Variants in PDE4C observed in about 807,000 individuals in gnomAD.
The protein encoded by PDE4C is 3',5'-cyclic-AMP phosphodiesterase 4C.
A neutral mutation model predicts 63.9 loss-of-function variants in PDE4C; 50 were observed. The observed-to-expected ratio is 0.78, with a 90% confidence interval of 0.62 to 0.99. The LOEUF (loss-of-function observed/expected upper bound fraction) is 0.99, where lower values mean the gene tolerates loss of function less well. PDE4C is among the 50% of genes least tolerant of loss of function. PDE4C has a pLI of 0.00. For missense variants in PDE4C, 777 were observed against 899.1 expected, an observed-to-expected ratio of 0.86 and a Z score of 1.74; for synonymous variants, 377 against 385.1, an observed-to-expected ratio of 0.98 and a Z score of 0.25.
intron 7 of PDE4C, chr19:18,219,678 G>T: frequency 2.9e-6 from 1 of 342,224 alleles, no homozygotes; most frequent in South Asian, 4.8e-5. Flanking sequence ...ACAAAAATTA[G>T]TCACGTATGG....
At chr19:18,237,891 A>AAAAAAC (rs1568267066), upstream of PDE4C, among the ~76,000 whole-genome samples, 1 of 141,610 alleles carries the variant, frequency 7.1e-6, no homozygotes. Context: ...AAAAAAAAAA[A>AAAAAAC]AAGTGCCTGG....
chr19:18,233,812 G>A (rs751807734), upstream of PDE4C: 13 of 296,978 alleles, frequency 4.4e-5, no homozygotes, highest in South Asian at 3.3e-4. Context: ...GAGCAGTGAC[G>A]GGCCCTCAAC....
Position 18,214,263 on chromosome 19 carries a change from A to T in PDE4C, c.1390-773T>A, listed in dbSNP as rs374966343. Among the ~76,000 whole-genome samples the T allele has an allele frequency of 6.4e-4, 97 of 152,034 alleles. 1 individual carries two copies. In the East Asian group the frequency reaches 9.7e-3, roughly 15 times the overall value. On this transcript the variant is annotated intron_variant, in intron 12 of 14. Coordinates refer to ENST00000262805, the Ensembl canonical transcript of PDE4C. ...AAGACTCCGTCTCAAAAAAAAAAAA[A>T]AAATAACCCATCCTCTAGGATGCCT... is the stretch of plus-strand genomic sequence containing the variant.
chr19:18,226,400 C>T, exon 1 of PDE4C: 2 of 1,443,828 alleles, frequency 1.4e-6, no homozygotes, highest in Non-Finnish European at 9.1e-7. Flanking sequence ...GGGGCGGGCG[C>T]GGGGGGGCCC....
chr19:18,254,224 T>C, the PDE4C span, among the ~76,000 whole-genome samples: 20 of 152,256 alleles, frequency 1.3e-4, no homozygotes, highest in African/African-American at 4.6e-4. Flanking sequence ...AGGACCCTTG[T>C]CCTCTGTTTC....
upstream of PDE4C, chr19:18,252,567 C>T (rs1327058500): frequency 5.0e-6 from 2 of 397,870 alleles, no homozygotes; most frequent in Non-Finnish European, 8.8e-6. Flanking sequence ...GAATTAGAGA[C>T]CAGCCTGGGC....
In PDE4C at chr19:18,219,216, T is replaced by C; in HGVS notation, c.870+18A>G. On this transcript the variant is annotated intron_variant, in intron 8 of 14. Transcript: ENST00000262805. Reference sequence around the variant, plus strand: ...CAGGGACCAAACCTTGATCTTGGCATTGTGGTTGGGGACCCACCTTGGCCA... The same window carrying C: ...CAGGGACCAAACCTTGATCTTGGCACTGTGGTTGGGGACCCACCTTGGCCA... 1 of 1,613,986 alleles carries C rather than the reference T, an allele frequency of 6.2e-7. No homozygotes were observed. The highest frequency in any genetic ancestry group is 8.5e-7 in the Non-Finnish European group (1 of 1,180,002).
chr19:18,247,749 G>A (rs537907984), intron 1 of PDE4C, among the ~76,000 whole-genome samples: 1 of 152,074 alleles, frequency 6.6e-6, no homozygotes, highest in African/African-American at 2.4e-5. Context: ...AAATGGTTCT[G>A]AGACCTCCAG....
intron 1 of PDE4C, among the ~76,000 whole-genome samples, chr19:18,222,657 T>C (rs1299354960): frequency 2.4e-5 from 2 of 82,418 alleles, no homozygotes; most frequent in East Asian, 4.0e-4. Flanking sequence ...TTCTCGTTCT[T>C]TCTCTCTCTC....
rs781111988 is a variant in PDE4C at position 18,211,294 on chromosome 19, G to T, written c.1696-18C>A. 9 of 1,543,666 alleles carry T rather than the reference G, an allele frequency of 5.8e-6. No individual in the cohort carries two copies. Among genetic ancestry groups the T allele is most frequent in the South Asian group, 5.0e-5 (4 of 79,906 alleles). ...AAACCCACCTGTGGCGGGGGGTGGG[G>T]CATGTCGGCATTTGGTGAGTTACAG... On this transcript the variant is annotated intron_variant, in intron 14 of 14. Coordinates refer to ENST00000262805, the Ensembl canonical transcript of PDE4C.
At chr19:18,215,096 C>G (rs945898974) in intron 12 of PDE4C, among the ~76,000 whole-genome samples, 5 of 152,254 alleles carry the variant, frequency 3.3e-5, no homozygotes, top group Non-Finnish European at 7.4e-5. Flanking sequence ...AATGCTGTCT[C>G]CCCACCCTGT....
At chr19:18,244,766 C>T (rs1366680990) in intron 1 of PDE4C, among the ~76,000 whole-genome samples, 1 of 151,966 alleles carries the variant, frequency 6.6e-6, no homozygotes, top group Non-Finnish European at 1.5e-5. Flanking sequence ...CCTGCCTTGG[C>T]CTCCCACACT....
At chr19:18,217,103 C>G (rs1968232578) in intron 11 of PDE4C, 1 of 489,840 alleles carries the variant, frequency 2.0e-6, no homozygotes, top group Non-Finnish European at 3.6e-6. Context: ...CTACCCAAGA[C>G]TGGGAAGGCT....
chr19:18,220,097 G>C lies in PDE4C; in HGVS notation c.706+129C>G, dbSNP rs556929383. On this transcript the variant is annotated intron_variant, in intron 7 of 14. Transcript: ENST00000262805. This position sits in a 1 kb window ranked among gnomAD's most constrained non-coding sequence, Gnocchi z 5.1. ...TTGTTCCTCCCTCTGATCCAGCCCT[G>C]ACTCATGGGGGCTGAAGGTGTCTGT... is the stretch of plus-strand genomic sequence containing the variant. 5 of 755,302 alleles carry C rather than the reference G, an allele frequency of 6.6e-6. No individual in the cohort carries two copies. In the South Asian group the frequency reaches 7.9e-5, roughly 12 times the overall value. 46.8% of individuals were successfully genotyped at this position (755,302 alleles called of 1,614,324 possible).
chr19:18,249,792 C>G (rs1969208448), upstream of PDE4C, among the ~76,000 whole-genome samples: 1 of 151,900 alleles, frequency 6.6e-6, no homozygotes, highest in Admixed American at 6.6e-5. Flanking sequence ...AGGCTGGTCT[C>G]AAACTCCTAA....
At chr19:18,222,081 A>C in intron 2 of PDE4C, 51 bp downstream of exon 2, 1 of 1,497,934 alleles carries the variant, frequency 6.7e-7, no homozygotes, top group Non-Finnish European at 9.1e-7. Context: ...TAGAGGAACA[A>C]AGGAAGGAGG....
intron 9 of PDE4C, 79 bp downstream of exon 9, chr19:18,218,861 T>G: frequency 9.9e-7 from 1 of 1,006,138 alleles, no homozygotes; most frequent in Non-Finnish European, 1.6e-6. Flanking sequence ...GAAAAATGAG[T>G]GTCCCTGAGG....
chr19:18,255,114 C>T, the PDE4C span: 6 of 394,838 alleles, frequency 1.5e-5, no homozygotes, highest in Admixed American at 4.4e-5. The surrounding 1 kb of genome is among the most constrained non-coding windows in gnomAD (Gnocchi z 4.6). Flanking sequence ...GGCGGACCAG[C>T]GTGGCCTGAG....
chr19:18,215,289 T>C (rs1968140047), intron 12 of PDE4C, among the ~76,000 whole-genome samples: 1 of 152,126 alleles, frequency 6.6e-6, no homozygotes, highest in Non-Finnish European at 1.5e-5. Context: ...CTGACCTCTT[T>C]GGCTGGTCTG....
Sources: gnomAD v4.1 joint callset for allele counts (sites outside exome capture counted in the v4.1 genomes callset) on GRCh38, gnomAD v4.1.1 for gene constraint, Gnocchi (gnomAD v3.1) non-coding constraint, MANE v1.5 for transcripts, NCBI Gene and HGNC (gene_info 2026-07-23, HGNC 2026-07-21) for gene names.